The following CCDC126 variants were observed in gnomAD, a reference collection of about 807,000 sequenced individuals.
CCDC126 encodes coiled-coil domain-containing protein 126.
Under a neutral mutation model 11.7 loss-of-function variants are expected in CCDC126, and 5 were observed. The ratio of observed to expected loss-of-function variants is 0.43; its 90% CI spans 0.22 to 0.90. The LOEUF (loss-of-function observed/expected upper bound fraction) is 0.90, where lower values mean the gene tolerates loss of function less well. CCDC126 is among the 40% of genes least tolerant of loss of function. CCDC126 has a pLI of 0.27. For missense variants in CCDC126, 150 were observed against 163.1 expected, an observed-to-expected ratio of 0.92 and a Z score of 0.44; for synonymous variants, 60 against 61.9, an observed-to-expected ratio of 0.97 and a Z score of 0.14.
rs533377874 is a variant in CCDC126 at position 23,607,646 on chromosome 7, G to A, written c.-145-3525G>A. On this transcript the variant is annotated intron_variant, in intron 2 of 3. Coordinates refer to ENST00000307471, the MANE Select transcript of CCDC126 (RefSeq NM_138771.4). ...CAGTTCTCTGAGAATAGAACAGTGA[G>A]TGTATTCATATTGGCCCCGGAGAAT... Among the ~76,000 whole-genome samples, 238 of 152,268 alleles carry A rather than the reference G, an allele frequency of 1.6e-3. 1 individual carries two copies. Among genetic ancestry groups the A allele is most frequent in the Non-Finnish European group, 3.0e-3 (201 of 68,014 alleles).
At chr7:23,626,123 A>G (rs1370803096) in intron 3 of CCDC126, among the ~76,000 whole-genome samples, 1 of 148,920 alleles carries the variant, frequency 6.7e-6, no homozygotes. Flanking sequence ...CATAACTTAT[A>G]TTCTAATGTA....
chr7:23,602,282 T>C (rs965104353), intron 2 of CCDC126: 3 of 152,242 alleles, frequency 2.0e-5, no homozygotes, highest in Admixed American at 6.5e-5. Context: ...TTTGAAAAAT[T>C]ATATTTAAAA....
chr7:23,600,378 C>CCA (rs59694402), intron 2 of CCDC126, among the ~76,000 whole-genome samples: 6,633 of 134,356 alleles, frequency 0.049, 603 homozygotes, highest in African/African-American at 0.18. Context: ...GTGTTAACCC[C>CCA]CCCCCCCCCA....
chr7:23,597,847 T>G (rs1361178359), intron 1 of CCDC126, 120 bp from the exon 2 acceptor site: 1 of 152,106 alleles, frequency 6.6e-6, no homozygotes, highest in Non-Finnish European at 1.5e-5. Flanking sequence ...GCGCCTCGGC[T>G]CGGGCGGAGA....
chr7:23,616,545 G>C (rs1029295525), intron 3 of CCDC126, among the ~76,000 whole-genome samples: 9 of 152,146 alleles, frequency 5.9e-5, no homozygotes, highest in African/African-American at 2.2e-4. Context: ...TGTAAGTTTG[G>C]CTGGGTGTAG....
chr7:23,644,267 G>A lies in CCDC126; in HGVS notation c.*1152G>A, dbSNP rs1783420876. ...GGAAAAAAGCTGTATATAGCACAGG[G>A]AACCCTAATCTTGGGTAATTCTAGT... On this transcript the variant is annotated 3_prime_UTR_variant, in exon 4 of 4. Coordinates refer to ENST00000307471, the MANE Select transcript of CCDC126 (RefSeq NM_138771.4). 1 of 152,500 alleles carries A rather than the reference G, an allele frequency of 6.6e-6. No homozygotes were observed. Among genetic ancestry groups the A allele is most frequent in the South Asian group, 2.1e-4 (1 of 4,828 alleles). The allele number at this position is 152,500 out of a possible 1,614,324, so 9.4% of individuals were successfully genotyped here. A position where few individuals can be genotyped will look rare whatever the true frequency, so the allele number is the denominator to read the frequency against.
chr7:23,615,482 CT>C (rs1365296655), intron 3 of CCDC126, among the ~76,000 whole-genome samples: 1 of 152,234 alleles, frequency 6.6e-6, no homozygotes, highest in Non-Finnish European at 1.5e-5. Context: ...TGGAGTAGCA[CT>C]TTTAATTCTC....
intron 3 of CCDC126, among the ~76,000 whole-genome samples, chr7:23,632,653 T>C (rs1328840383): frequency 2.6e-5 from 4 of 152,238 alleles, no homozygotes; most frequent in Non-Finnish European, 5.9e-5. Context: ...ATTGGAATTT[T>C]TGTATTTATT....
chr7:23,612,809 G>GAAA (rs1222378340), intron 3 of CCDC126, among the ~76,000 whole-genome samples: 1 of 152,118 alleles, frequency 6.6e-6, no homozygotes, highest in Non-Finnish European at 1.5e-5. Flanking sequence ...TAAGAAGCAG[G>GAAA]TTTTGCCTAT....
At chr7:23,636,561 T>G (rs1247437230) in intron 3 of CCDC126, among the ~76,000 whole-genome samples, 11 of 124,680 alleles carry the variant, frequency 8.8e-5, no homozygotes, top group African/African-American at 3.0e-4. Context: ...CAACCCTGTC[T>G]GGGAGGTGAG....
intron 3 of CCDC126, among the ~76,000 whole-genome samples, chr7:23,636,035 GT>G (rs1483544942): frequency 3.4e-5 from 5 of 148,724 alleles, no homozygotes; most frequent in Admixed American, 6.7e-5. Context: ...ACTGGTTTTC[GT>G]TTTTTTTTTG....
intron 3 of CCDC126, among the ~76,000 whole-genome samples, chr7:23,621,145 A>C (rs1186373979): frequency 2.6e-5 from 4 of 152,238 alleles, no homozygotes; most frequent in Non-Finnish European, 5.9e-5. Context: ...TGGGGATGGC[A>C]TTCAATCTAT....
intron 3 of CCDC126, among the ~76,000 whole-genome samples, chr7:23,614,310 C>G (rs939348546): frequency 2.0e-5 from 3 of 152,176 alleles, no homozygotes; most frequent in Admixed American, 6.5e-5. Context: ...CAAAAAACTA[C>G]TTTCTTTGCT....
At chr7:23,610,493 T>C (rs1782691296) in intron 2 of CCDC126, among the ~76,000 whole-genome samples, 1 of 152,220 alleles carries the variant, frequency 6.6e-6, no homozygotes, top group African/African-American at 2.4e-5. Flanking sequence ...GGCTTACAAG[T>C]GTAAGCCACT....
chr7:23,611,246 C>A lies in CCDC126; in HGVS notation c.-70C>A. 2.3e-6 allele frequency: 2 copies of A among 856,282 alleles called. No individual in the cohort carries two copies. Among genetic ancestry groups the A allele is most frequent in the Non-Finnish European group, 1.9e-6 (1 of 534,690 alleles). The allele number at this position is 856,282 out of a possible 1,614,324, so 53.0% of individuals were successfully genotyped here. A position where few individuals can be genotyped will look rare whatever the true frequency, so the allele number is the denominator to read the frequency against. ...GAGGATATTTTTTTCTTTTTTTTTT[C>A]AAGTCTTGATTTGTGGCTTACCTCA... On this transcript the variant is annotated 5_prime_UTR_variant, in exon 3 of 4. Coordinates refer to ENST00000307471, the MANE Select transcript of CCDC126 (RefSeq NM_138771.4).
At chr7:23,619,681 A>G (rs147710648) in intron 3 of CCDC126, 7,303 of 162,676 alleles carry the variant, frequency 0.045, 301 homozygotes, top group Admixed American at 0.11. Flanking sequence ...TGCTGCACCC[A>G]TTAACTTGTC....
chr7:23,640,403 A>G (rs906811366), intron 3 of CCDC126, among the ~76,000 whole-genome samples: 9 of 151,912 alleles, frequency 5.9e-5, no homozygotes, highest in Admixed American at 3.9e-4. Context: ...AGACTGACGC[A>G]GGCGAATCAC....
At chr7:23,627,427 G>A (rs1436791455) in intron 3 of CCDC126, among the ~76,000 whole-genome samples, 2 of 151,854 alleles carry the variant, frequency 1.3e-5, no homozygotes, top group African/African-American at 4.8e-5. Context: ...ATCACTTGAG[G>A]TAGGCAGCAG....
chr7:23,628,330 T>C (rs965941733), intron 3 of CCDC126, among the ~76,000 whole-genome samples: 2 of 152,182 alleles, frequency 1.3e-5, no homozygotes, highest in African/African-American at 4.8e-5. Flanking sequence ...GTTCCCTGTG[T>C]GTATTTCAGA....
Sources: gnomAD v4.1 joint callset for allele counts (sites outside exome capture counted in the v4.1 genomes callset) on GRCh38, gnomAD v4.1.1 for gene constraint, MANE v1.5 for transcripts, NCBI Gene and HGNC (gene_info 2026-07-23, HGNC 2026-07-21) for gene names.